THSD4: variants seen among roughly 807,000 people sequenced by gnomAD.
THSD4 encodes the protein thrombospondin type-1 domain-containing protein 4.
A neutral mutation model predicts 119.0 loss-of-function variants in THSD4; 69 were observed. The ratio of observed to expected loss-of-function variants is 0.58; its 90% CI spans 0.48 to 0.71. The LOEUF (loss-of-function observed/expected upper bound fraction) is 0.71, where lower values mean the gene tolerates loss of function less well. Among genes scored for constraint, THSD4 ranks in the 30% least tolerant of loss-of-function variants. The pLI, the probability that THSD4 is intolerant of heterozygous loss-of-function variation, is 0.00. For synonymous variants in THSD4, 524 were observed against 540.4 expected, an observed-to-expected ratio of 0.97 and a Z score of 0.42; for missense variants, 1,393 against 1,391.1, an observed-to-expected ratio of 1.00 and a Z score of -0.02.
intron 6 of THSD4, among the ~76,000 whole-genome samples, chr15:71,294,430 T>G (rs912297021): frequency 9.2e-5 from 14 of 152,184 alleles, no homozygotes; most frequent in African/African-American, 3.4e-4. Flanking sequence ...TCTGCCATGT[T>G]GACATTCTTA....
Position 71,720,920 on chromosome 15 carries a change from C to T in THSD4, c.1358-7629C>T, listed in dbSNP as rs142345785. On this transcript the variant is annotated intron_variant, in intron 8 of 17. Transcript: ENST00000261862. ...TTTTTCTTTTTAAGCTAACCTATCT[C>T]CCAGCCAGAAACTAGGAAGAACTTC... Among the ~76,000 whole-genome samples, 116 of 152,304 alleles carry T rather than the reference C, an allele frequency of 7.6e-4. 1 individual carries two copies. The highest frequency in any genetic ancestry group is 1.2e-3 in the Non-Finnish European group (85 of 68,030).
chr15:71,394,245 C>T (rs956205341), intron 6 of THSD4, among the ~76,000 whole-genome samples: 2 of 147,706 alleles, frequency 1.4e-5, no homozygotes, highest in African/African-American at 5.0e-5. Flanking sequence ...GTCATACACT[C>T]TGTTGTCCAA....
At position 71,385,993 on chromosome 15, in the gene THSD4, GAA is replaced by G. The variant is rs1296713714; in HGVS notation, c.1016-25692_1016-25691del. Among the ~76,000 whole-genome samples, 3 of 152,178 alleles carry G rather than the reference GAA, an allele frequency of 2.0e-5. No homozygotes were observed. The South Asian group carries it at 6.2e-4, about 31-fold the overall frequency. ...AGGCAGAACTCTAAGGAAAAATGAG[GAA>G]AGTGATGCTTAAGTAGCTAGCGGAC... On this transcript the variant is annotated intron_variant, in intron 6 of 17. Transcript: ENST00000261862.
intron 7 of THSD4, among the ~76,000 whole-genome samples, chr15:71,621,822 G>A (rs1480576734): frequency 1.3e-5 from 2 of 152,192 alleles, no homozygotes; most frequent in East Asian, 3.8e-4. Flanking sequence ...CAGTAATAGA[G>A]GAGATATTAT....
intron 6 of THSD4, among the ~76,000 whole-genome samples, chr15:71,368,622 G>C (rs1221993637): frequency 4.6e-5 from 7 of 152,098 alleles, no homozygotes; most frequent in African/African-American, 9.7e-5. Flanking sequence ...TCTGAGGGCT[G>C]TGTTCTGTTC....
At position 71,242,777 on chromosome 15, in the gene THSD4, A is replaced by G; in HGVS notation, c.593A>G (p.His198Arg). Residue 198 changes from histidine (H) to arginine (R), a missense_variant, in exon 5 of 18, where the codon CAT becomes CGT. Transcript: ENST00000261862. Reference protein sequence around the residue: ...RLRRQKLSSRHSRSQGASSAR... With the variant: ...RLRRQKLSSRRSRSQGASSAR... ...CGGAGACAGAAGCTCTCATCCCGCC[A>G]TTCCAGGTCCCAGGGAGCATCTTCT... 1 of 1,614,160 alleles carries G rather than the reference A, an allele frequency of 6.2e-7. No homozygotes were observed. The highest frequency in any genetic ancestry group is 1.6e-4 in the Middle Eastern group (1 of 6,062).
chr15:71,515,550 G>C (rs534700512), intron 7 of THSD4, among the ~76,000 whole-genome samples: 4 of 152,236 alleles, frequency 2.6e-5, no homozygotes, highest in Non-Finnish European at 5.9e-5. Flanking sequence ...GGGGATTGAG[G>C]GGGGCTCAAT....
chr15:71,451,889 G>A (rs1243195015), intron 7 of THSD4, among the ~76,000 whole-genome samples: 1 of 152,172 alleles, frequency 6.6e-6, no homozygotes, highest in Non-Finnish European at 1.5e-5. Context: ...GACCAGTGGA[G>A]CTGCACTTCG....
At chr15:71,140,011 A>G (rs598472) in intron 1 of THSD4, among the ~76,000 whole-genome samples, 46,500 of 152,220 alleles carry the variant, frequency 0.31, 11,393 homozygotes, top group African/African-American at 0.68. Flanking sequence ...CTATTGGCTC[A>G]CTTGACAATT....
intron 6 of THSD4, among the ~76,000 whole-genome samples, chr15:71,271,206 A>G (rs2044526093): frequency 6.6e-6 from 1 of 152,212 alleles, no homozygotes; most frequent in Non-Finnish European, 1.5e-5. Context: ...ATTAGCTTCA[A>G]ACTGGTAACA....
chr15:71,307,692 T>C (rs2045049974), intron 6 of THSD4, among the ~76,000 whole-genome samples: 1 of 152,146 alleles, frequency 6.6e-6, no homozygotes, highest in Non-Finnish European at 1.5e-5. Flanking sequence ...TGCTTGAACC[T>C]GGGAGGTGGA....
intron 15 of THSD4, among the ~76,000 whole-genome samples, chr15:71,761,977 C>A (rs2053633987): frequency 6.6e-6 from 1 of 152,196 alleles, no homozygotes; most frequent in African/African-American, 2.4e-5. Flanking sequence ...CCAATATAGC[C>A]TGAAGCACAT....
chr15:71,111,897 G>T (rs539549109), upstream of THSD4: 14 of 555,766 alleles, frequency 2.5e-5, no homozygotes, highest in Admixed American at 7.0e-5. Flanking sequence ...TGTTTCGCTG[G>T]TAAAAGGATT....
intron 5 of THSD4, among the ~76,000 whole-genome samples, chr15:71,246,465 C>A (rs148919669): frequency 5.9e-5 from 9 of 152,238 alleles, no homozygotes; most frequent in Admixed American, 2.0e-4. Context: ...ACGAGATTGC[C>A]AAGAGACCCA....
intron 4 of THSD4, among the ~76,000 whole-genome samples, chr15:71,232,508 C>T (rs1480080280): frequency 1.3e-5 from 2 of 151,942 alleles, no homozygotes; most frequent in African/African-American, 4.8e-5. Context: ...AGACTGCCCC[C>T]GAGAGTACTA....
intron 11 of THSD4, 98 bp downstream of exon 11, chr15:71,738,105 G>A: frequency 6.7e-7 from 1 of 1,485,564 alleles, no homozygotes; most frequent in Non-Finnish European, 9.1e-7. Flanking sequence ...TTGGCACCAG[G>A]GACTGGTTTC....
rs369241968 is a variant in THSD4 at position 71,689,055 on chromosome 15, A to T, written c.1357+28321A>T. ...GAGCCAGGGATCCCCACACTCTGCA[A>T]CTGTATCCATAAGGCCCTGTAGAGC... is the stretch of plus-strand genomic sequence containing the variant. On this transcript the variant is annotated intron_variant, in intron 8 of 17. Coordinates refer to ENST00000261862, the MANE Select transcript of THSD4 (RefSeq NM_024817.3). 1.4e-4 allele frequency among the ~76,000 whole-genome samples: 22 copies of T among 152,308 alleles called. No homozygotes were observed. In the East Asian group the frequency reaches 2.5e-3, roughly 17 times the overall value.
At position 71,762,150 on chromosome 15, in the gene THSD4, AACACACAC is replaced by A. The variant is rs72267245; in HGVS notation, c.2590-2848_2590-2841del. Reference sequence around the variant, plus strand: ...AAATGCTGTCTCATGCGCGTGTGCAAACACACACACACACACACACACACACACAGAGA... The same window carrying A: ...AAATGCTGTCTCATGCGCGTGTGCAAACACACACACACACACACACAGAGA... On this transcript the variant is annotated intron_variant, in intron 15 of 17. Transcript: ENST00000261862. Among the ~76,000 whole-genome samples the A allele has an allele frequency of 2.1e-3, 237 of 112,302 alleles. 1 individual carries two copies. The highest frequency in any genetic ancestry group is 9.9e-3 in the East Asian group (45 of 4,538). 73.7% of individuals were successfully genotyped at this position (112,302 alleles called of 152,430 possible). A position where few individuals can be genotyped will look rare whatever the true frequency, so the allele number is the denominator to read the frequency against.
chr15:71,112,211 G>A (rs768889271), upstream of THSD4: 1 of 1,613,474 alleles, frequency 6.2e-7, no homozygotes, highest in South Asian at 1.1e-5. Flanking sequence ...TTCTGTGGGT[G>A]TGGCTGTAGG....
Sources: allele counts gnomAD v4.1 joint callset (sites outside exome capture counted in the v4.1 genomes callset), GRCh38; gene constraint gnomAD v4.1.1; transcripts MANE v1.5; gene names NCBI Gene and HGNC (gene_info 2026-07-23, HGNC 2026-07-21).